Variants in ST6GALNAC3 observed in about 807,000 individuals in gnomAD.
ST6GALNAC3 encodes the protein alpha-N-acetylgalactosaminide alpha-2,6-sialyltransferase 3.
Under a neutral mutation model 32.7 loss-of-function variants are expected in ST6GALNAC3, and 25 were observed. That is an observed-to-expected ratio of 0.76 (90% CI 0.56 to 1.07). The LOEUF is 1.07. Among genes scored for constraint, ST6GALNAC3 ranks in the 50% least tolerant of loss-of-function variants. The pLI is 0.00. For missense variants in ST6GALNAC3, 355 were observed against 382.4 expected, an observed-to-expected ratio of 0.93 and a Z score of 0.60; for synonymous variants, 129 against 133.1, an observed-to-expected ratio of 0.97 and a Z score of 0.21.
chr1:76,165,777 A>C (rs1438751669), intron 1 of ST6GALNAC3, among the ~76,000 whole-genome samples: 1 of 152,072 alleles, frequency 6.6e-6, no homozygotes, highest in East Asian at 1.9e-4. Context: ...AGTGATGCTG[A>C]GTTTTTTTTC....
chr1:76,272,324 G>GA (rs55839101), intron 1 of ST6GALNAC3, among the ~76,000 whole-genome samples: 9,041 of 111,962 alleles, frequency 0.081, 789 homozygotes, highest in East Asian at 0.48. Context: ...CTCAGTCTCG[G>GA]AAAAAAAAAA....
At chr1:76,139,413 C>G (rs1570149015) in intron 1 of ST6GALNAC3, among the ~76,000 whole-genome samples, 1 of 123,960 alleles carries the variant, frequency 8.1e-6, no homozygotes, top group South Asian at 2.2e-4. Context: ...CACATATAAA[C>G]ACACACACAC....
At chr1:76,490,983 C>T (rs1184678539) in intron 3 of ST6GALNAC3, among the ~76,000 whole-genome samples, 1 of 151,872 alleles carries the variant, frequency 6.6e-6, no homozygotes, top group African/African-American at 2.4e-5. Context: ...CTCAGCCTCC[C>T]AAGTAGCTGG....
chr1:76,573,232 G>C (rs1258998889), intron 3 of ST6GALNAC3, among the ~76,000 whole-genome samples: 1 of 152,112 alleles, frequency 6.6e-6, no homozygotes, highest in Non-Finnish European at 1.5e-5. Context: ...GTGCTGGCAA[G>C]TGGAACTACC....
intron 2 of ST6GALNAC3, among the ~76,000 whole-genome samples, chr1:76,339,547 A>G (rs563981904): frequency 6.6e-6 from 1 of 152,340 alleles, no homozygotes; most frequent in African/African-American, 2.4e-5. Flanking sequence ...TTATTACAGC[A>G]GCAATGGGAA....
chr1:76,510,664 A>G (rs1661800875), intron 3 of ST6GALNAC3, among the ~76,000 whole-genome samples: 1 of 152,214 alleles, frequency 6.6e-6, no homozygotes, highest in Non-Finnish European at 1.5e-5. Context: ...GGATAAACCC[A>G]TTGGAAGTTG....
At chr1:76,613,693 C>T (rs1298887959) in intron 3 of ST6GALNAC3, among the ~76,000 whole-genome samples, 1 of 152,162 alleles carries the variant, frequency 6.6e-6, no homozygotes, top group African/African-American at 2.4e-5. Flanking sequence ...AGTGTGTAGC[C>T]CCTCTTCCTT....
chr1:76,376,184 G>T (rs1269904035), intron 2 of ST6GALNAC3, among the ~76,000 whole-genome samples: 2 of 151,626 alleles, frequency 1.3e-5, no homozygotes, highest in African/African-American at 2.4e-5. Context: ...AATACAAAGA[G>T]ATCCCATATA....
chr1:76,473,063 G>A (rs1659136681), intron 3 of ST6GALNAC3, among the ~76,000 whole-genome samples: 1 of 152,076 alleles, frequency 6.6e-6, no homozygotes, highest in African/African-American at 2.4e-5. Context: ...AGGCTAAAGT[G>A]GAGGTAATAA....
rs960251602 is a variant in ST6GALNAC3 at position 76,509,912 on chromosome 1, G to T, written c.623+97495G>T. On this transcript the variant is annotated intron_variant, in intron 3 of 4. Coordinates refer to ENST00000328299, the MANE Select transcript of ST6GALNAC3 (RefSeq NM_152996.4). This position sits in a 1 kb window ranked among gnomAD's most constrained non-coding sequence, Gnocchi z 5.5. ...AATTGCACCTATGAAGTCCTTTTTG[G>T]CATGTAAAGCAACATATTCACAGGT... Among the ~76,000 whole-genome samples the T allele has an allele frequency of 6.6e-6, 1 of 152,014 alleles. No homozygotes were observed. The highest frequency in any genetic ancestry group is 1.5e-5 in the Non-Finnish European group (1 of 67,992).
At chr1:76,152,658 C>G (rs577934183) in intron 1 of ST6GALNAC3, among the ~76,000 whole-genome samples, 1 of 152,154 alleles carries the variant, frequency 6.6e-6, no homozygotes, top group East Asian at 1.9e-4. Context: ...GAAAGGCCCC[C>G]ACAGTTTCAA....
chr1:76,156,325 G>A (rs1293578254), intron 1 of ST6GALNAC3, among the ~76,000 whole-genome samples: 1 of 152,108 alleles, frequency 6.6e-6, no homozygotes, highest in Non-Finnish European at 1.5e-5. Flanking sequence ...TCACAAGAAA[G>A]TGACCACGTG....
chr1:76,187,609 G>A (rs1252027542), intron 1 of ST6GALNAC3, among the ~76,000 whole-genome samples: 1 of 152,178 alleles, frequency 6.6e-6, no homozygotes, highest in Non-Finnish European at 1.5e-5. Context: ...AATCCTGCTG[G>A]AAGGCAGGGG....
chr1:76,362,263 A>G (rs925008193), intron 2 of ST6GALNAC3, among the ~76,000 whole-genome samples: 4 of 152,142 alleles, frequency 2.6e-5, no homozygotes, highest in African/African-American at 7.2e-5. Flanking sequence ...GACAATACCA[A>G]GGGGGATGGT....
intron 2 of ST6GALNAC3, among the ~76,000 whole-genome samples, chr1:76,340,527 G>T (rs776788731): frequency 6.6e-6 from 1 of 152,176 alleles, no homozygotes; most frequent in Non-Finnish European, 1.5e-5. Context: ...CTCCTGCCTG[G>T]CCAGGGCCCA....
At chr1:76,424,785 T>C (rs1655257622) in intron 3 of ST6GALNAC3, among the ~76,000 whole-genome samples, 1 of 151,994 alleles carries the variant, frequency 6.6e-6, no homozygotes, top group African/African-American at 2.4e-5. Flanking sequence ...GGCTATTTGA[T>C]GCAAGGCAAG....
At chr1:76,622,941 C>A (rs999017317) in intron 3 of ST6GALNAC3, among the ~76,000 whole-genome samples, 1 of 151,892 alleles carries the variant, frequency 6.6e-6, no homozygotes, top group African/African-American at 2.4e-5. Flanking sequence ...AAGTGCTTCA[C>A]GATATCTTTC....
At chr1:76,171,088 G>GGTGTGT (rs71071988) in intron 1 of ST6GALNAC3, among the ~76,000 whole-genome samples, 4,896 of 149,520 alleles carry the variant, frequency 0.033, 149 homozygotes, top group African/African-American at 0.076. Flanking sequence ...CATTGAGAGG[G>GGTGTGT]GTGTGTGTGT....
intron 1 of ST6GALNAC3, among the ~76,000 whole-genome samples, chr1:76,221,165 G>T (rs1655746006): frequency 6.6e-6 from 1 of 152,182 alleles, no homozygotes; most frequent in Non-Finnish European, 1.5e-5. Flanking sequence ...TAAGTATAAA[G>T]AAATTCTTTG....
Sources: allele counts gnomAD v4.1 joint callset (sites outside exome capture counted in the v4.1 genomes callset), GRCh38; gene constraint gnomAD v4.1.1; non-coding constraint Gnocchi (gnomAD v3.1); transcripts MANE v1.5; gene names NCBI Gene and HGNC (gene_info 2026-07-23, HGNC 2026-07-21).